OPCML: variants seen among roughly 807,000 people sequenced by gnomAD.
The protein encoded by OPCML is opioid binding protein/cell adhesion molecule like, also known as opioid-binding protein/cell adhesion molecule.
Under a neutral mutation model 37.8 loss-of-function variants are expected in OPCML, and 13 were observed. The ratio of observed to expected loss-of-function variants is 0.34; its 90% CI spans 0.22 to 0.55. The LOEUF (loss-of-function observed/expected upper bound fraction) is 0.55, where lower values mean the gene tolerates loss of function less well. Ranked by LOEUF, OPCML falls within the 20% of genes least tolerant of loss-of-function variation. The pLI, the probability that OPCML is intolerant of heterozygous loss-of-function variation, is 0.91. For synonymous variants in OPCML, 176 were observed against 168.8 expected (o/e 1.04, Z -0.33); for missense variants, 341 against 435.6 (o/e 0.78, Z 1.93).
chr11:133,418,313 T>C, intron 1 of OPCML: 1 of 985,336 alleles, frequency 1.0e-6, no homozygotes, highest in Non-Finnish European at 1.2e-6. Flanking sequence ...CATCCAGTCA[T>C]AATGCAGACT....
intron 4 of OPCML, among the ~76,000 whole-genome samples, chr11:132,508,560 C>T (rs1305719779): frequency 1.3e-5 from 2 of 152,102 alleles, no homozygotes; most frequent in Non-Finnish European, 2.9e-5. Context: ...CATTGTATCT[C>T]CCAGAATTCC....
At chr11:132,976,392 G>C (rs897430668) in intron 1 of OPCML, among the ~76,000 whole-genome samples, 1 of 152,026 alleles carries the variant, frequency 6.6e-6, no homozygotes, top group Non-Finnish European at 1.5e-5. Flanking sequence ...ATTTGTTTTC[G>C]CATCAGAAAG....
chr11:133,007,013 T>C (rs887254892), intron 1 of OPCML: 3 of 985,336 alleles, frequency 3.0e-6, no homozygotes, highest in East Asian at 1.1e-4. Flanking sequence ...ATTCACTTAA[T>C]TTAAAACAGG....
chr11:133,459,939 G>C (rs1946822116), intron 1 of OPCML, among the ~76,000 whole-genome samples: 1 of 151,932 alleles, frequency 6.6e-6, no homozygotes, highest in African/African-American at 2.4e-5. Flanking sequence ...AGTGCACTTG[G>C]TGCACTCTTC....
rs1044024778 is a variant in OPCML, at chr11:133,340,578, A to C, written c.61+191686T>G. Reference sequence around the variant, plus strand: ...TATATTAATAGCTGATCTCTATATAACTACTCTAGCCCACAAATTAAGACT... The same window carrying C: ...TATATTAATAGCTGATCTCTATATACCTACTCTAGCCCACAAATTAAGACT... On this transcript the variant is annotated intron_variant, in intron 1 of 7. Transcript: ENST00000524381. Among the ~76,000 whole-genome samples the C allele has an allele frequency of 2.0e-5, 3 of 147,628 alleles. No individual in the cohort carries two copies. In the Admixed American group the frequency reaches 2.0e-4, roughly 10 times the overall value.
chr11:132,806,946 G>A (rs1002534769), intron 2 of OPCML, among the ~76,000 whole-genome samples: 2 of 152,066 alleles, frequency 1.3e-5, no homozygotes, highest in African/African-American at 4.8e-5. Flanking sequence ...ATGGATCAAA[G>A]GAGAAGTCAC....
At chr11:132,746,030 C>T (rs577188340) in intron 2 of OPCML, among the ~76,000 whole-genome samples, 57 of 152,170 alleles carry the variant, frequency 3.7e-4, no homozygotes, top group African/African-American at 1.1e-3. Flanking sequence ...CAGGGCTCTG[C>T]TCTGAGCAGC....
chr11:132,433,408 T>C (rs2096003809), intron 7 of OPCML, among the ~76,000 whole-genome samples: 1 of 152,212 alleles, frequency 6.6e-6, no homozygotes, highest in South Asian at 2.1e-4. Context: ...CATCTAAATG[T>C]AGCATTTATG....
chr11:133,484,058 ATAG>A (rs1947467264), intron 1 of OPCML, among the ~76,000 whole-genome samples: 2 of 151,230 alleles, frequency 1.3e-5, no homozygotes, highest in Non-Finnish European at 2.9e-5. Flanking sequence ...AGATAGATAG[ATAG>A]ATAGATAGAT....
intron 1 of OPCML, among the ~76,000 whole-genome samples, chr11:133,197,265 C>G (rs921605465): frequency 2.0e-5 from 3 of 152,162 alleles, no homozygotes; most frequent in Non-Finnish European, 4.4e-5. Flanking sequence ...AATCTGAAAG[C>G]CTTGGCGAGG....
chr11:133,445,776 G>A (rs1192665584), intron 1 of OPCML, among the ~76,000 whole-genome samples: 3 of 152,144 alleles, frequency 2.0e-5, no homozygotes, highest in Non-Finnish European at 4.4e-5. Context: ...GCAAAGATTG[G>A]CTCAAGGATT....
At position 133,355,940 on chromosome 11, in the gene OPCML, T is replaced by C. The variant is rs192125304; in HGVS notation, c.61+176324A>G. Among the ~76,000 whole-genome samples the C allele has an allele frequency of 2.9e-3, 440 of 152,270 alleles. 2 individuals carry two copies. Among genetic ancestry groups the C allele is most frequent in the African/African-American group, 9.4e-3 (392 of 41,558 alleles). On this transcript the variant is annotated intron_variant, in intron 1 of 7. Transcript: ENST00000524381. ...AATCAGCTCCTTTTTCTGGTAGCAT[T>C]AGAAGGACAGAGGGATTTAAATAGA... is the stretch of plus-strand genomic sequence containing the variant.
At chr11:133,256,711 T>C (rs1941322166) in intron 1 of OPCML, among the ~76,000 whole-genome samples, 1 of 152,232 alleles carries the variant, frequency 6.6e-6, no homozygotes, top group Non-Finnish European at 1.5e-5. Flanking sequence ...AATCAATGTA[T>C]TTAAGTAAAC....
At chr11:132,436,022 C>G in intron 7 of OPCML, 64 bp downstream of exon 7, 1 of 1,556,218 alleles carries the variant, frequency 6.4e-7, no homozygotes, top group Non-Finnish European at 8.7e-7. Flanking sequence ...AACTTCCTCC[C>G]TCCTGAGTCC....
chr11:132,451,255 A>G (rs2096067695), intron 4 of OPCML, among the ~76,000 whole-genome samples: 1 of 152,176 alleles, frequency 6.6e-6, no homozygotes, highest in South Asian at 2.1e-4. Flanking sequence ...AGCAGATTGT[A>G]AATGGGGGCT....
chr11:133,322,091 T>C (rs1943342939), intron 1 of OPCML, among the ~76,000 whole-genome samples: 1 of 152,142 alleles, frequency 6.6e-6, no homozygotes, highest in South Asian at 2.1e-4. Context: ...TTTAAAAAAA[T>C]AAAAAATACA....
intron 1 of OPCML, among the ~76,000 whole-genome samples, chr11:133,308,153 C>T (rs1942973227): frequency 6.6e-6 from 1 of 152,196 alleles, no homozygotes; most frequent in South Asian, 2.1e-4. Flanking sequence ...AGTGAATAAA[C>T]CTGACTACCA....
At chr11:133,214,558 A>T (rs1202867512) in intron 1 of OPCML, among the ~76,000 whole-genome samples, 1 of 152,204 alleles carries the variant, frequency 6.6e-6, no homozygotes, top group Non-Finnish European at 1.5e-5. Flanking sequence ...TGGTATTTTA[A>T]GGCAAATTTA....
chr11:133,055,945 T>A (rs1223994387), intron 1 of OPCML, among the ~76,000 whole-genome samples: 1 of 149,476 alleles, frequency 6.7e-6, no homozygotes, highest in African/African-American at 2.5e-5. Flanking sequence ...TTCCAAGTGG[T>A]GAGACCCCAT....
Sources: gnomAD v4.1 joint callset for allele counts (sites outside exome capture counted in the v4.1 genomes callset) on GRCh38, gnomAD v4.1.1 for gene constraint, MANE v1.5 for transcripts, NCBI Gene and HGNC (gene_info 2026-07-23, HGNC 2026-07-21) for gene names.